SMIM36: variants seen among roughly 807,000 people sequenced by gnomAD.
SMIM36 encodes small integral membrane protein 36.
At chr17:55,474,413 G>A (rs1390814165) in intron 3 of SMIM36, among the ~76,000 whole-genome samples, 2 of 152,186 alleles carry the variant, frequency 1.3e-5, no homozygotes, top group Non-Finnish European at 2.9e-5. Context: ...CCTCAGAGCA[G>A]CACGTGGCAG....
At chr17:55,523,595 G>C in the SMIM36 span, among the ~76,000 whole-genome samples, 313 of 151,704 alleles carry the variant, frequency 2.1e-3, 7 homozygotes, top group East Asian at 0.046. Context: ...GCCAAGGAGA[G>C]AGGCCTCAGA....
intron 4 of SMIM36, among the ~76,000 whole-genome samples, chr17:55,460,207 A>G (rs1909114325): frequency 6.6e-6 from 1 of 152,012 alleles, no homozygotes; most frequent in Non-Finnish European, 1.5e-5. Flanking sequence ...AGGCAGGTGG[A>G]TCACAAGGTC....
chr17:55,514,083 T>C (rs1910226472), upstream of SMIM36, among the ~76,000 whole-genome samples: 1 of 152,226 alleles, frequency 6.6e-6, no homozygotes, highest in South Asian at 2.1e-4. Flanking sequence ...TTCGGTGAAA[T>C]GCTGGGTGCT....
intron 4 of SMIM36, among the ~76,000 whole-genome samples, chr17:55,462,347 A>G (rs1195511022): frequency 6.6e-6 from 1 of 152,226 alleles, no homozygotes; most frequent in East Asian, 1.9e-4. Context: ...ATGGTGGCTT[A>G]TGCCTGTAAT....
chr17:55,476,614 G>A (rs1909431937), intron 3 of SMIM36, among the ~76,000 whole-genome samples: 1 of 151,816 alleles, frequency 6.6e-6, no homozygotes, highest in African/African-American at 2.4e-5. Flanking sequence ...TGTCACCCAG[G>A]TGGAGTGCAG....
At chr17:55,476,030 T>C (rs1354285201) in intron 3 of SMIM36, among the ~76,000 whole-genome samples, 4 of 152,074 alleles carry the variant, frequency 2.6e-5, no homozygotes, top group South Asian at 2.1e-4. Flanking sequence ...ACCCCAACAT[T>C]TCACCACTAT....
At chr17:55,455,766 C>G (rs1909006301) in intron 4 of SMIM36, among the ~76,000 whole-genome samples, 1 of 152,032 alleles carries the variant, frequency 6.6e-6, no homozygotes, top group Admixed American at 6.6e-5. Context: ...GCACTCCAGC[C>G]TGGGTGACAG....
At chr17:55,479,232 C>T (rs2143273076) in intron 2 of SMIM36, among the ~76,000 whole-genome samples, 1 of 152,326 alleles carries the variant, frequency 6.6e-6, no homozygotes, top group East Asian at 1.9e-4. Context: ...TCCTCCATAG[C>T]ATTGCTTAGG....
intron 4 of SMIM36, among the ~76,000 whole-genome samples, chr17:55,463,218 G>A (rs1909176116): frequency 6.6e-6 from 1 of 151,900 alleles, no homozygotes; most frequent in Non-Finnish European, 1.5e-5. Flanking sequence ...CTATGATAAA[G>A]CTTAATTTAT....
chr17:55,477,482 A>T (rs1015664005), intron 3 of SMIM36, among the ~76,000 whole-genome samples: 6 of 152,094 alleles, frequency 3.9e-5, no homozygotes, highest in South Asian at 2.1e-4. Flanking sequence ...TTTTATAATT[A>T]GGCAGGTCAT....
chr17:55,492,878 G>T (rs976169244), intron 1 of SMIM36, among the ~76,000 whole-genome samples: 1 of 152,052 alleles, frequency 6.6e-6, no homozygotes, highest in South Asian at 2.1e-4. Context: ...GTTAATACAC[G>T]CCAGCAACTA....
chr17:55,463,246 A>G lies in SMIM36; in HGVS notation c.*531+3899T>C, dbSNP rs532980822. Among the ~76,000 whole-genome samples the G allele has an allele frequency of 5.3e-5, 8 of 152,252 alleles. No individual in the cohort carries two copies. The South Asian group carries it at 1.7e-3, about 32-fold the overall frequency. ...TAATTTATAAATTAGGCACAGTAAGAGACTAATAACAATAACTAATAATAA... is the reference window on the plus strand; with the variant it reads ...TAATTTATAAATTAGGCACAGTAAGGGACTAATAACAATAACTAATAATAA... On this transcript the variant is annotated intron_variant, in intron 4 of 4. Coordinates refer to ENST00000636752, the Ensembl canonical transcript of SMIM36.
chr17:55,511,302 G>A, exon 1 of SMIM36: 1 of 398,654 alleles, frequency 2.5e-6, no homozygotes, highest in East Asian at 3.6e-5. Flanking sequence ...TCAGGTTCAA[G>A]GTAACAGGGT....
the SMIM36 span, among the ~76,000 whole-genome samples, chr17:55,520,144 A>G: frequency 6.6e-6 from 1 of 152,168 alleles, no homozygotes; most frequent in South Asian, 2.1e-4. Flanking sequence ...CAGCATCTTC[A>G]AATCTCTCTC....
the SMIM36 span, among the ~76,000 whole-genome samples, chr17:55,521,725 A>G: frequency 6.6e-6 from 1 of 152,226 alleles, no homozygotes; most frequent in South Asian, 2.1e-4. Flanking sequence ...TGACAGTGTT[A>G]ATTGTCAGGA....
intron 3 of SMIM36, among the ~76,000 whole-genome samples, chr17:55,474,945 G>A (rs1183310609): frequency 6.6e-6 from 1 of 152,190 alleles, no homozygotes; most frequent in African/African-American, 2.4e-5. Context: ...TCAGAAGGAA[G>A]CCTGGACAGG....
At chr17:55,512,937 C>A (rs1415012051), upstream of SMIM36, among the ~76,000 whole-genome samples, 2 of 152,180 alleles carry the variant, frequency 1.3e-5, no homozygotes, top group Non-Finnish European at 2.9e-5. Flanking sequence ...TCCATGGGAA[C>A]CTGAGCATTT....
chr17:55,526,032 G>A, the SMIM36 span, among the ~76,000 whole-genome samples: 6 of 152,134 alleles, frequency 3.9e-5, 1 homozygote, highest in East Asian at 9.6e-4. Flanking sequence ...AACAAATGTG[G>A]CCAACAAGGC....
chr17:55,454,494 C>T (rs1908981414), intron 4 of SMIM36, among the ~76,000 whole-genome samples: 1 of 152,042 alleles, frequency 6.6e-6, no homozygotes, highest in Admixed American at 6.6e-5. Flanking sequence ...TTTTTAAGAC[C>T]TAGAAAACAT....
Sources: allele counts gnomAD v4.1 joint callset (sites outside exome capture counted in the v4.1 genomes callset), GRCh38; gene constraint gnomAD v4.1.1; transcripts MANE v1.5; gene names NCBI Gene and HGNC (gene_info 2026-07-23, HGNC 2026-07-21).